Variants in CTNND2 observed in about 807,000 individuals in gnomAD.
CTNND2 encodes catenin delta 2.
Under a neutral mutation model 144.4 loss-of-function variants are expected in CTNND2, and 22 were observed. That is an observed-to-expected ratio of 0.15 (90% CI 0.11 to 0.22). The LOEUF (loss-of-function observed/expected upper bound fraction) is 0.22, where lower values mean the gene tolerates loss of function less well. Among genes scored for constraint, CTNND2 ranks in the 10% least tolerant of loss-of-function variants. The pLI is 1.00. For missense variants in CTNND2, 1,353 were observed against 1,618.8 expected, an observed-to-expected ratio of 0.84 and a Z score of 2.82; for synonymous variants, 751 against 695.6, an observed-to-expected ratio of 1.08 and a Z score of -1.25.
At chr5:11,281,535 T>C (rs418957) in intron 9 of CTNND2, among the ~76,000 whole-genome samples, 3,418 of 152,354 alleles carry the variant, frequency 0.022, 51 homozygotes, top group Non-Finnish European at 0.037. Context: ...TTTCCTATCA[T>C]GTATATTAGT....
At position 11,200,958 on chromosome 5, in the gene CTNND2, C is replaced by T. The variant is rs938315245; in HGVS notation, c.1762-1297G>A. ...CCTCCCAAAGTGTTGGGATTACAGG[C>T]GTGAGCCACCGTGCCAGGCCATCCC... On this transcript the variant is annotated intron_variant, in intron 10 of 21. Transcript: ENST00000304623. 9.9e-5 allele frequency among the ~76,000 whole-genome samples: 15 copies of T among 152,266 alleles called. No individual in the cohort carries two copies. The South Asian group carries it at 1.4e-3, about 15-fold the overall frequency.
At position 11,886,689 on chromosome 5, in the gene CTNND2, C is replaced by T. The variant is rs189726603; in HGVS notation, c.37+17128G>A. Among the ~76,000 whole-genome samples, 344 of 152,146 alleles carry T rather than the reference C, an allele frequency of 2.3e-3. 2 individuals carry two copies. The highest frequency in any genetic ancestry group is 7.6e-3 in the African/African-American group (317 of 41,536). ...CTATGTGTACTTTCTAAGAATTACA[C>T]GGGTTGTGTAAAAGGGCTGGTGAGG... On this transcript the variant is annotated intron_variant, in intron 1 of 21. Coordinates refer to ENST00000304623, the MANE Select transcript of CTNND2 (RefSeq NM_001332.4).
At chr5:10,986,016 G>A (rs1161669282) in intron 20 of CTNND2, among the ~76,000 whole-genome samples, 2 of 152,136 alleles carry the variant, frequency 1.3e-5, no homozygotes, top group African/African-American at 4.8e-5. Flanking sequence ...GGCTTTAGAG[G>A]AACTTCCCTA....
chr5:11,144,459 C>T (rs1427519572), intron 12 of CTNND2, among the ~76,000 whole-genome samples: 1 of 152,122 alleles, frequency 6.6e-6, no homozygotes, highest in African/African-American at 2.4e-5. Context: ...AGCCTGGTCT[C>T]CCCACTTGGA....
rs6859078 is a variant in CTNND2 at position 11,826,949 on chromosome 5, C to T, written c.37+76868G>A. Among the ~76,000 whole-genome samples the T allele has an allele frequency of 7.5e-3, 1,144 of 152,016 alleles. 22 individuals carry two copies. The highest frequency in any genetic ancestry group is 0.026 in the African/African-American group (1,075 of 41,518). On this transcript the variant is annotated intron_variant, in intron 1 of 21. Transcript: ENST00000304623. ...CAGAAAACTGGCCACAATAAAAGAA[C>T]CCTACACAACGGTATCAATGAACAT...
intron 9 of CTNND2, among the ~76,000 whole-genome samples, chr5:11,322,749 CA>C (rs1390449769): frequency 1.3e-5 from 2 of 151,936 alleles, no homozygotes; most frequent in Non-Finnish European, 2.9e-5. Context: ...TAAATTTTTA[CA>C]AAAGTATGGG....
At chr5:11,731,433 T>C (rs1270089021) in intron 2 of CTNND2, among the ~76,000 whole-genome samples, 1 of 152,218 alleles carries the variant, frequency 6.6e-6, no homozygotes, top group African/African-American at 2.4e-5. Context: ...CAGGCTTTTT[T>C]ACTTAAAATT....
chr5:11,497,519 T>TG lies in CTNND2; in HGVS notation c.287+67424dup, dbSNP rs1234235644. Among the ~76,000 whole-genome samples, 66 of 13,754 alleles carry TG rather than the reference T, an allele frequency of 4.8e-3. 2 individuals are homozygous for TG. The highest frequency in any genetic ancestry group is 8.8e-3 in the East Asian group (4 of 454). 9.0% of individuals were successfully genotyped at this position (13,754 alleles called of 152,430 possible). ...AGGCAAAGAATGATGTGCGGGGGGG[T>TG]GGGGGGGGGCAATATGTGCAAAGGC... On this transcript the variant is annotated intron_variant, in intron 3 of 21. Transcript: ENST00000304623.
chr5:11,439,790 A>ATCTATCTG (rs1554058846), intron 3 of CTNND2, among the ~76,000 whole-genome samples: 5 of 123,570 alleles, frequency 4.0e-5, no homozygotes, highest in Non-Finnish European at 9.0e-5. Context: ...CTATCTATCT[A>ATCTATCTG]TCTATCTATC....
At position 11,690,305 on chromosome 5, in the gene CTNND2, C is replaced by CA. The variant is rs574544232; in HGVS notation, c.174+41830dup. Among the ~76,000 whole-genome samples, 247 of 151,876 alleles carry CA rather than the reference C, an allele frequency of 1.6e-3. 1 individual carries two copies. The highest frequency in any genetic ancestry group is 2.9e-3 in the Non-Finnish European group (200 of 67,894). On this transcript the variant is annotated intron_variant, in intron 2 of 21. Transcript: ENST00000304623. The stretch of plus-strand genomic sequence containing the variant: ...TAAATGTACAACTAAAAAATAAAAA[C>CA]AAAAAAAACTTTCAAACGTTACAAA...
chr5:11,627,129 T>G (rs1781200329), intron 2 of CTNND2, among the ~76,000 whole-genome samples: 1 of 152,170 alleles, frequency 6.6e-6, no homozygotes, highest in South Asian at 2.1e-4. Context: ...CTTTTGCCTT[T>G]TGGATAGATT....
At chr5:11,622,734 A>G (rs1350189849) in intron 2 of CTNND2, among the ~76,000 whole-genome samples, 47 of 152,150 alleles carry the variant, frequency 3.1e-4, no homozygotes, top group Admixed American at 2.8e-3. Context: ...CCTCAAAAAT[A>G]TATTCTGAAG....
intron 8 of CTNND2, among the ~76,000 whole-genome samples, chr5:11,355,236 A>AT (rs1561268242): frequency 6.6e-6 from 1 of 152,178 alleles, no homozygotes; most frequent in Non-Finnish European, 1.5e-5. Flanking sequence ...GAAGAAAACA[A>AT]TAAAGGTGTG....
chr5:11,824,130 T>C (rs543628023), intron 1 of CTNND2, among the ~76,000 whole-genome samples: 2 of 148,278 alleles, frequency 1.3e-5, no homozygotes, highest in East Asian at 2.0e-4. Flanking sequence ...TGAAACTCAA[T>C]TTAAATACTG....
At chr5:11,470,980 A>ATATATATATATATATATATTTT (rs1219093645) in intron 3 of CTNND2, among the ~76,000 whole-genome samples, 2 of 91,534 alleles carry the variant, frequency 2.2e-5, no homozygotes, top group Admixed American at 1.2e-4. Flanking sequence ...ATATATATAT[A>ATATATATATATATATATATTTT]TTTTTTTTTT....
chr5:11,090,139 T>TG (rs1412286796), intron 15 of CTNND2, among the ~76,000 whole-genome samples: 2 of 152,228 alleles, frequency 1.3e-5, no homozygotes, highest in Non-Finnish European at 2.9e-5. Context: ...TCAGGGCTTA[T>TG]GAATACTTGT....
In CTNND2 at chr5:11,385,158, C is replaced by T; in HGVS notation, c.684G>A (p.Glu228=). 10 of 1,010,852 alleles carry T rather than the reference C, an allele frequency of 9.9e-6. No individual in the cohort carries two copies. The highest frequency in any genetic ancestry group is 1.2e-5 in the Non-Finnish European group (10 of 849,368). The allele number at this position is 1,010,852 out of a possible 1,614,324, so 62.6% of individuals were successfully genotyped here. ...PAPPPPPPPR[E]PFAPSLGSAF... is the part of the protein sequence containing the mutation. ...CGCTGCCCAGGCTGGGCGCGAACGG[C>T]TCCCGCGGCGGCGGCGGCGGCGGCG... Residue 228 remains glutamate (E), a synonymous_variant, in exon 7 of 22, where the codon GAG becomes GAA. Transcript: ENST00000304623.
At chr5:11,217,761 A>C (rs895146490) in intron 10 of CTNND2, among the ~76,000 whole-genome samples, 1 of 152,222 alleles carries the variant, frequency 6.6e-6, no homozygotes, top group Non-Finnish European at 1.5e-5. Flanking sequence ...TCAAAAGGTA[A>C]GTATTTAATG....
intron 1 of CTNND2, among the ~76,000 whole-genome samples, chr5:11,885,560 A>G (rs1560968308): frequency 2.0e-5 from 3 of 152,172 alleles, no homozygotes; most frequent in Non-Finnish European, 4.4e-5. Context: ...GCAAATATTA[A>G]TAGATCTAAA....
Sources: gnomAD v4.1 joint callset for allele counts (sites outside exome capture counted in the v4.1 genomes callset) on GRCh38, gnomAD v4.1.1 for gene constraint, MANE v1.5 for transcripts, NCBI Gene and HGNC (gene_info 2026-07-23, HGNC 2026-07-21) for gene names.